Variants in CDC14B observed in about 807,000 individuals in gnomAD.
The protein encoded by CDC14B is cell division cycle 14B.
In CDC14B, 22 loss-of-function variants were observed where a neutral mutation model predicts 64.2. The observed-to-expected ratio is 0.34, with a 90% CI of 0.24 to 0.49. The LOEUF is 0.49. CDC14B is among the 20% of genes least tolerant of loss of function. CDC14B has a pLI of 0.99. For synonymous variants in CDC14B, 191 were observed against 215.8 expected, an observed-to-expected ratio of 0.89 and a Z score of 1.01; for missense variants, 498 against 629.9, an observed-to-expected ratio of 0.79 and a Z score of 2.24.
chr9:96,561,917 G>C (rs966399728), intron 4 of CDC14B, among the ~76,000 whole-genome samples: 1 of 152,142 alleles, frequency 6.6e-6, no homozygotes, highest in Non-Finnish European at 1.5e-5. Flanking sequence ...CAGACACAGG[G>C]GGTAGTACTC....
chr9:96,560,582 CTCTTTT>C (rs1843017551), intron 4 of CDC14B, among the ~76,000 whole-genome samples: 3 of 127,668 alleles, frequency 2.3e-5, no homozygotes, highest in Admixed American at 1.6e-4. Flanking sequence ...TTTTCTCTTT[CTCTTTT>C]TTTTTTTTTT....
At chr9:96,553,756 C>CA (rs1842136416) in intron 4 of CDC14B, among the ~76,000 whole-genome samples, 1 of 152,170 alleles carries the variant, frequency 6.6e-6, no homozygotes, top group Non-Finnish European at 1.5e-5. Context: ...TATTCCCTTC[C>CA]AGTCTCCGAT....
intron 1 of CDC14B, among the ~76,000 whole-genome samples, chr9:96,570,787 G>A (rs536023211): frequency 6.6e-6 from 1 of 152,296 alleles, no homozygotes; most frequent in Admixed American, 6.5e-5. Context: ...AGCACTACCA[G>A]GGTCAACTAG....
intron 4 of CDC14B, among the ~76,000 whole-genome samples, chr9:96,561,528 G>A (rs1333410586): frequency 1.3e-5 from 2 of 152,170 alleles, no homozygotes; most frequent in African/African-American, 2.4e-5. Flanking sequence ...GCCCAGGCTG[G>A]AGTGCAGTGG....
chr9:96,603,189 CACAAAT>C (rs1188728945), intron 1 of CDC14B, among the ~76,000 whole-genome samples: 111 of 149,446 alleles, frequency 7.4e-4, no homozygotes, highest in Non-Finnish European at 1.2e-3. Context: ...CACACACACA[CACAAAT>C]ACACAAAACA....
At chr9:96,540,110 C>T (rs1839835948) in intron 6 of CDC14B, among the ~76,000 whole-genome samples, 1 of 152,178 alleles carries the variant, frequency 6.6e-6, no homozygotes, top group African/African-American at 2.4e-5. Flanking sequence ...CAATATATTT[C>T]ATGATTTTGG....
intron 5 of CDC14B, among the ~76,000 whole-genome samples, chr9:96,543,807 G>T (rs996661646): frequency 3.9e-5 from 6 of 152,212 alleles, no homozygotes; most frequent in African/African-American, 1.2e-4. Flanking sequence ...GGGAAACAGG[G>T]TTGCTGGTGG....
At chr9:96,582,817 T>C (rs1302501254) in intron 1 of CDC14B, among the ~76,000 whole-genome samples, 1 of 152,218 alleles carries the variant, frequency 6.6e-6, no homozygotes, top group Non-Finnish European at 1.5e-5. Flanking sequence ...TTTTACCAGA[T>C]TTACTAATTA....
At chr9:96,564,571 G>A (rs1343715765) in intron 3 of CDC14B, among the ~76,000 whole-genome samples, 2 of 152,038 alleles carry the variant, frequency 1.3e-5, no homozygotes, top group Admixed American at 6.6e-5. Context: ...AGAACCAAAC[G>A]ACCCAAACTT....
intron 12 of CDC14B, among the ~76,000 whole-genome samples, chr9:96,518,030 C>T (rs1246995421): frequency 6.6e-6 from 1 of 152,030 alleles, no homozygotes; most frequent in African/African-American, 2.4e-5. Flanking sequence ...AGGAAACCTC[C>T]TCCCATTTGG....
chr9:96,576,733 A>T (rs539558062), intron 1 of CDC14B, among the ~76,000 whole-genome samples: 20 of 152,250 alleles, frequency 1.3e-4, no homozygotes, highest in Admixed American at 2.6e-4. Flanking sequence ...TGAAAATAGG[A>T]GTAATTAGTA....
At chr9:96,608,316 A>C (rs12337127) in intron 1 of CDC14B, among the ~76,000 whole-genome samples, 22,576 of 152,196 alleles carry the variant, frequency 0.15, 5,617 homozygotes, top group African/African-American at 0.51. Context: ...TGTTTGTTAG[A>C]TAAACTCAAA....
At chr9:96,609,245 G>A (rs765335398) in intron 1 of CDC14B, among the ~76,000 whole-genome samples, 9 of 152,160 alleles carry the variant, frequency 5.9e-5, no homozygotes, top group Non-Finnish European at 1.0e-4. Context: ...GATTACAGAC[G>A]TGAGCCACTG....
exon 14 of CDC14B, chr9:96,491,314 T>C (rs1204111840): frequency 2.0e-5 from 3 of 152,216 alleles, no homozygotes; most frequent in Non-Finnish European, 4.4e-5. Flanking sequence ...CAAGTGCAAA[T>C]AAAGGTTGGT....
At chr9:96,523,504 T>C in intron 10 of CDC14B, 83 bp downstream of exon 10, 3 of 1,603,554 alleles carry the variant, frequency 1.9e-6, no homozygotes, top group Non-Finnish European at 2.6e-6. Context: ...CTGTTGTTGT[T>C]GGAAACTAAA....
At chr9:96,558,809 A>G (rs1030448657) in intron 4 of CDC14B, among the ~76,000 whole-genome samples, 1 of 152,384 alleles carries the variant, frequency 6.6e-6, no homozygotes, top group Middle Eastern at 3.4e-3. Context: ...TTGTAAAACA[A>G]TATAGTATGT....
chr9:96,558,575 G>A (rs955796411), intron 4 of CDC14B, among the ~76,000 whole-genome samples: 21 of 152,242 alleles, frequency 1.4e-4, no homozygotes, highest in African/African-American at 5.1e-4. Context: ...TTTCTCAAGA[G>A]TGCAAATATG....
chr9:96,557,941 G>A (rs1385454295), intron 4 of CDC14B, among the ~76,000 whole-genome samples: 1 of 152,152 alleles, frequency 6.6e-6, no homozygotes. Flanking sequence ...TAGAAATGGT[G>A]GTTAATTTCC....
intron 13 of CDC14B, among the ~76,000 whole-genome samples, chr9:96,507,813 GA>G (rs1367764000): frequency 6.6e-6 from 1 of 151,706 alleles, no homozygotes; most frequent in Non-Finnish European, 1.5e-5. Context: ...CGATAAAAAA[GA>G]AAAAAATCCC....
Sources: gnomAD v4.1 joint callset for allele counts (sites outside exome capture counted in the v4.1 genomes callset) on GRCh38, gnomAD v4.1.1 for gene constraint, MANE v1.5 for transcripts, NCBI Gene and HGNC (gene_info 2026-07-23, HGNC 2026-07-21) for gene names.